The following MACROD1 variants were observed in gnomAD, a reference collection of about 807,000 sequenced individuals.
The protein encoded by MACROD1 is ADP-ribose glycohydrolase MACROD1.
Under a neutral mutation model 41.4 loss-of-function variants are expected in MACROD1, and 31 were observed. The observed-to-expected ratio is 0.75, with a 90% confidence interval of 0.56 to 1.01. The LOEUF (loss-of-function observed/expected upper bound fraction) is 1.01. Among genes scored for constraint, MACROD1 ranks in the 50% least tolerant of loss-of-function variants. The pLI is 0.00. For synonymous variants in MACROD1, 252 were observed against 203.4 expected (o/e 1.24, Z -2.03); for missense variants, 473 against 460.0 (o/e 1.03, Z -0.26).
intron 3 of MACROD1, among the ~76,000 whole-genome samples, chr11:64,044,464 GC>G (rs758786929): frequency 6.6e-6 from 1 of 152,040 alleles, no homozygotes; most frequent in Non-Finnish European, 1.5e-5. Context: ...GCCCAGGCTG[GC>G]CTTGAACTCC....
chr11:64,066,801 G>C (rs1033087262), intron 3 of MACROD1, among the ~76,000 whole-genome samples: 1 of 152,128 alleles, frequency 6.6e-6, no homozygotes, highest in Non-Finnish European at 1.5e-5. Flanking sequence ...ACTATCCTAC[G>C]AGAACTCCAT....
At chr11:64,069,200 C>A (rs2250281) in intron 3 of MACROD1, among the ~76,000 whole-genome samples, 2 of 152,244 alleles carry the variant, frequency 1.3e-5, no homozygotes, top group Admixed American at 1.3e-4. Context: ...AGGGCCACTG[C>A]GCGCGGCCGG....
intron 3 of MACROD1, among the ~76,000 whole-genome samples, chr11:64,068,631 A>G (rs1944049138): frequency 6.6e-6 from 1 of 152,238 alleles, no homozygotes; most frequent in African/African-American, 2.4e-5. Flanking sequence ...ATAGGGTTCC[A>G]TGTGCAGAGG....
chr11:64,104,798 CAG>C (rs1944730132), intron 3 of MACROD1, among the ~76,000 whole-genome samples: 1 of 152,190 alleles, frequency 6.6e-6, no homozygotes, highest in South Asian at 2.1e-4. Flanking sequence ...CAGAGAAGGG[CAG>C]AGAGTGCCCC....
rs567943300 is a variant in MACROD1 at position 64,136,194 on chromosome 11, C to T, written c.517+15045G>A. Among the ~76,000 whole-genome samples, 14 of 152,362 alleles carry T rather than the reference C, an allele frequency of 9.2e-5. 1 individual carries two copies. The South Asian group carries it at 2.5e-3, about 27-fold the overall frequency. On this transcript the variant is annotated intron_variant, in intron 3 of 10. Transcript: ENST00000255681. ...TCCAGACACACCCATCCTGGGCTGTCACCAAGTTCACTAACCAGAACAACA... is the reference window on the plus strand; with the variant it reads ...TCCAGACACACCCATCCTGGGCTGTTACCAAGTTCACTAACCAGAACAACA...
chr11:64,138,292 C>T (rs531548631), intron 3 of MACROD1, among the ~76,000 whole-genome samples: 2 of 152,328 alleles, frequency 1.3e-5, no homozygotes, highest in South Asian at 2.1e-4. Context: ...ACCCCCTCCC[C>T]GGCACTGCCT....
At position 64,152,404 on chromosome 11, in the gene MACROD1, A is replaced by G; in HGVS notation, c.299-11T>C. The G allele has an allele frequency of 6.2e-7, 1 of 1,609,374 alleles. No individual in the cohort carries two copies. Among genetic ancestry groups the G allele is most frequent in the Non-Finnish European group, 8.5e-7 (1 of 1,175,610 alleles). Reference sequence around the variant, plus strand: ...GGCCCTTCAGAAAGGCTGCAGAGGCAGGAAGGAGGATCAGGGTGGGGGCAG... The same window carrying G: ...GGCCCTTCAGAAAGGCTGCAGAGGCGGGAAGGAGGATCAGGGTGGGGGCAG... On this transcript the variant is annotated splice_polypyrimidine_tract_variant and intron_variant, in intron 1 of 10. Transcript: ENST00000255681.
chr11:63,998,987 T>C lies in MACROD1; in HGVS notation c.941A>G (p.Tyr314Cys). 1 of 1,607,804 alleles carries C rather than the reference T, an allele frequency of 6.2e-7. No individual in the cohort carries two copies. Among genetic ancestry groups the C allele is most frequent in the Non-Finnish European group, 8.5e-7 (1 of 1,178,026 alleles). Residue 314 changes from tyrosine (Y) to cysteine (C), a missense_variant, in exon 9 of 11, where the codon TAC (tyrosine) becomes TGC (cysteine). Transcript: ENST00000255681. ...CVFLEKDEDI[Y>C]RSRLPHYFPV... is the part of the protein sequence containing the mutation. ...GAAGTAGTGGGGGAGCCGGCTCCGG[T>C]AGATGTCCTCGTCCTTCTCGAGGAA...
intron 3 of MACROD1, among the ~76,000 whole-genome samples, chr11:64,037,872 TG>T (rs1235917809): frequency 5.9e-5 from 9 of 152,286 alleles, no homozygotes; most frequent in Admixed American, 2.0e-4. Flanking sequence ...GTTGGTAAAA[TG>T]GGATTGATAG....
At chr11:64,141,520 G>A (rs1361927477) in intron 3 of MACROD1, among the ~76,000 whole-genome samples, 7 of 152,220 alleles carry the variant, frequency 4.6e-5, no homozygotes, top group African/African-American at 4.8e-5. Flanking sequence ...AAACCAGCTC[G>A]GCTGTGCCTT....
intron 3 of MACROD1, among the ~76,000 whole-genome samples, chr11:64,078,341 C>G (rs1322754095): frequency 6.6e-6 from 1 of 152,262 alleles, no homozygotes; most frequent in Admixed American, 6.5e-5. Flanking sequence ...GCCTCCCCTC[C>G]CAGTCCCTGG....
At chr11:64,008,403 G>GGCGGGAGGTCCCACGCACACATAA (rs1325441735) in intron 4 of MACROD1, among the ~76,000 whole-genome samples, 1 of 151,994 alleles carries the variant, frequency 6.6e-6, no homozygotes, top group Non-Finnish European at 1.5e-5. Context: ...CCTGGGGAGA[G>GGCGGGAGGTCCCACGCACACATAA]GCGCCCAGGG....
chr11:64,005,716 C>A (rs1169605471), intron 4 of MACROD1, among the ~76,000 whole-genome samples: 1 of 152,258 alleles, frequency 6.6e-6, no homozygotes, highest in African/African-American at 2.4e-5. Context: ...ATGGACTTCA[C>A]AGGCAGGGGA....
intron 3 of MACROD1, among the ~76,000 whole-genome samples, chr11:64,149,563 C>A (rs1222711554): frequency 3.3e-5 from 5 of 152,262 alleles, no homozygotes; most frequent in Admixed American, 6.5e-5. Flanking sequence ...CCCATCAACA[C>A]CCCACCTTGG....
chr11:64,013,125 T>A (rs1943037310), intron 4 of MACROD1, among the ~76,000 whole-genome samples: 2 of 151,758 alleles, frequency 1.3e-5, no homozygotes, highest in African/African-American at 4.8e-5. Context: ...TTACAAACAT[T>A]TACTGAGCAC....
intron 3 of MACROD1, among the ~76,000 whole-genome samples, chr11:64,024,148 T>C (rs937865692): frequency 1.3e-5 from 2 of 152,214 alleles, no homozygotes; most frequent in Non-Finnish European, 2.9e-5. Flanking sequence ...ACCATGAGCA[T>C]GCAACACAAA....
At chr11:64,123,381 A>C (rs914899912) in intron 3 of MACROD1, among the ~76,000 whole-genome samples, 1 of 152,222 alleles carries the variant, frequency 6.6e-6, no homozygotes, top group Admixed American at 6.5e-5. Flanking sequence ...TCAAAAATGC[A>C]AATCGTTACC....
chr11:64,099,320 C>T (rs1216528001), intron 3 of MACROD1, among the ~76,000 whole-genome samples: 1 of 152,254 alleles, frequency 6.6e-6, no homozygotes, highest in Non-Finnish European at 1.5e-5. Context: ...ATGCCCTCCC[C>T]ACTGGACTGT....
chr11:64,093,502 G>A (rs1461609573), intron 3 of MACROD1, among the ~76,000 whole-genome samples: 1 of 152,230 alleles, frequency 6.6e-6, no homozygotes, highest in East Asian at 1.9e-4. Context: ...CCCCTGGTGG[G>A]GGCAGCCTGG....
Sources: gnomAD v4.1 joint callset for allele counts (sites outside exome capture counted in the v4.1 genomes callset) on GRCh38, gnomAD v4.1.1 for gene constraint, MANE v1.5 for transcripts, NCBI Gene and HGNC (gene_info 2026-07-23, HGNC 2026-07-21) for gene names.